Variants in TXK observed in about 807,000 individuals in gnomAD.
TXK encodes the protein TXK tyrosine kinase.
A neutral mutation model predicts 81.0 loss-of-function variants in TXK; 60 were observed. That is an observed-to-expected ratio of 0.74 (90% confidence interval 0.60 to 0.92). The LOEUF (loss-of-function observed/expected upper bound fraction) is 0.92, where lower values mean the gene tolerates loss of function less well. TXK is among the 40% of genes least tolerant of loss of function. The pLI, the probability that TXK is intolerant of heterozygous loss-of-function variation, is 0.00. For missense variants in TXK, 581 were observed against 638.3 expected (o/e 0.91, Z 0.97); for synonymous variants, 203 against 210.7 (o/e 0.96, Z 0.32).
At position 48,071,666 on chromosome 4, in the gene TXK, T is replaced by C. The variant is rs1440673770; in HGVS notation, c.1366A>G (p.Met456Val). ...KSDVWSFGVL[M>V]WEVFTEGKMP... ...TTTCCTTCTGTAAAAACTTCCCACA[T>C]TAAAACTCCTGCAAACAAAAATGCA... The change falls in exon 14 of 15, where the codon ATG becomes GTG. Residue 456 changes from methionine (M) to valine (V), a missense_variant. Met to Val is a conservative substitution (Grantham distance 21). Coordinates refer to ENST00000264316, the MANE Select transcript of TXK (RefSeq NM_003328.3). 2 of 1,613,878 alleles carry C rather than the reference T, an allele frequency of 1.2e-6. No homozygotes were observed. Among genetic ancestry groups the C allele is most frequent in the Admixed American group, 1.7e-5 (1 of 59,934 alleles).
At chr4:48,082,257 G>A (rs1307892016) in intron 10 of TXK, among the ~76,000 whole-genome samples, 2 of 152,196 alleles carry the variant, frequency 1.3e-5, no homozygotes, top group Non-Finnish European at 1.5e-5. Context: ...TGTAAAACTA[G>A]TTCAGGCCAC....
rs529679832 is a variant in TXK, at chr4:48,112,737, A to G, written c.175-225T>C. ...ACTTTTGAGATCACAAGTTCTCTTGACAGCATTTTACTGGATTTTTTTTCA... is the reference window on the plus strand; with the variant it reads ...ACTTTTGAGATCACAAGTTCTCTTGGCAGCATTTTACTGGATTTTTTTTCA... On this transcript the variant is annotated intron_variant, in intron 3 of 14. Coordinates refer to ENST00000264316, the MANE Select transcript of TXK (RefSeq NM_003328.3). Among the ~76,000 whole-genome samples, 7 of 152,254 alleles carry G rather than the reference A, an allele frequency of 4.6e-5. No homozygotes were observed. The South Asian group carries it at 1.5e-3, about 32-fold the overall frequency.
Position 48,086,654 on chromosome 4 carries a change from T to A in TXK, c.785-17A>T. 1 of 1,609,546 alleles carries A rather than the reference T, an allele frequency of 6.2e-7. No homozygotes were observed. The highest frequency in any genetic ancestry group is 8.5e-7 in the Non-Finnish European group (1 of 1,176,716). On this transcript the variant is annotated splice_polypyrimidine_tract_variant and intron_variant, in intron 9 of 14. Transcript: ENST00000264316. Reference sequence around the variant, plus strand: ...CCCACTTTTCTGAAAAAGTAAAACATCCATGTTACAAGTAGAAAGAAAGAC... The same window carrying A: ...CCCACTTTTCTGAAAAAGTAAAACAACCATGTTACAAGTAGAAAGAAAGAC...
In TXK at chr4:48,104,970, A is replaced by C; in HGVS notation, c.447-15T>G. The C allele has an allele frequency of 6.4e-7, 1 of 1,568,352 alleles. No individual in the cohort carries two copies. The highest frequency in any genetic ancestry group is 8.6e-7 in the Non-Finnish European group (1 of 1,157,786). On this transcript the variant is annotated splice_polypyrimidine_tract_variant and intron_variant, in intron 5 of 14. Transcript: ENST00000264316. ...TATGGTACCACCTGTAAAAGCAATA[A>C]AAATGATTTTTAAATTTTATATTCA...
At chr4:48,113,584 C>T (rs1339151884) in intron 2 of TXK, among the ~76,000 whole-genome samples, 1 of 152,208 alleles carries the variant, frequency 6.6e-6, no homozygotes, top group Non-Finnish European at 1.5e-5. Flanking sequence ...GGTGCATCTT[C>T]AGGGCATAAA....
chr4:48,068,993 C>A (rs892277613), intron 14 of TXK, among the ~76,000 whole-genome samples: 1 of 152,212 alleles, frequency 6.6e-6, no homozygotes, highest in African/African-American at 2.4e-5. Flanking sequence ...GACTCTAATG[C>A]CCTAAGCACA....
chr4:48,097,260 T>A (rs974410417), intron 6 of TXK, among the ~76,000 whole-genome samples: 3 of 151,994 alleles, frequency 2.0e-5, no homozygotes, highest in Non-Finnish European at 4.4e-5. Flanking sequence ...CCAGTAAAAA[T>A]TAAGGAATTT....
intron 13 of TXK, among the ~76,000 whole-genome samples, chr4:48,072,382 A>T (rs1265165564): frequency 2.6e-5 from 4 of 152,182 alleles, no homozygotes; most frequent in Non-Finnish European, 4.4e-5. Flanking sequence ...ATAGAAACTG[A>T]CAGGATTATG....
intron 11 of TXK, 96 bp downstream of exon 11, chr4:48,079,802 TTTAAAAATTAAATC>T: frequency 1.2e-6 from 1 of 826,844 alleles, no homozygotes; most frequent in East Asian, 2.5e-5. Flanking sequence ...TAGGTAAATG[TTTAAAAATTAAATC>T]AAGGACACAT....
intron 1 of TXK, among the ~76,000 whole-genome samples, chr4:48,126,835 A>G (rs541556504): frequency 3.3e-5 from 5 of 152,320 alleles, no homozygotes; most frequent in Admixed American, 6.5e-5. Flanking sequence ...AATTGCTGTT[A>G]TCAGTCAGCA....
At chr4:48,092,270 G>T (rs1299346720) in intron 8 of TXK, among the ~76,000 whole-genome samples, 1 of 152,146 alleles carries the variant, frequency 6.6e-6, no homozygotes, top group African/African-American at 2.4e-5. Flanking sequence ...GATTCTGGAG[G>T]AAAACCAATA....
chr4:48,067,371 G>A lies in TXK; in HGVS notation c.*266C>T, dbSNP rs544396913. 64 of 395,016 alleles carry A rather than the reference G, an allele frequency of 1.6e-4. 2 individuals are homozygous for A. The South Asian group carries it at 1.6e-3, about 10-fold the overall frequency. The allele number at this position is 395,016 out of a possible 1,614,324, so 24.5% of individuals were successfully genotyped here. ...AGAGCACCACAATGAAGACTGCTGC[G>A]AAGTCTTTTTCACTTCTTCACATTT... On this transcript the variant is annotated 3_prime_UTR_variant, in exon 15 of 15. Transcript: ENST00000264316.
intron 1 of TXK, among the ~76,000 whole-genome samples, chr4:48,119,378 C>T (rs921131363): frequency 2.0e-5 from 3 of 152,152 alleles, no homozygotes; most frequent in African/African-American, 4.8e-5. Flanking sequence ...CTGATTTGGA[C>T]GTCACCATTG....
intron 9 of TXK, among the ~76,000 whole-genome samples, chr4:48,087,482 C>G (rs1417626426): frequency 6.6e-6 from 1 of 151,810 alleles, no homozygotes; most frequent in Non-Finnish European, 1.5e-5. Context: ...CTCACCCAGG[C>G]TGGAGTGCAG....
chr4:48,125,968 G>C (rs1011322484), intron 1 of TXK, among the ~76,000 whole-genome samples: 4 of 152,192 alleles, frequency 2.6e-5, no homozygotes, highest in African/African-American at 9.7e-5. Flanking sequence ...TGTACTCCAA[G>C]TCCACCGATT....
At chr4:48,093,555 G>A (rs1407647839) in intron 8 of TXK, among the ~76,000 whole-genome samples, 2 of 152,180 alleles carry the variant, frequency 1.3e-5, no homozygotes, top group African/African-American at 4.8e-5. Flanking sequence ...AACAATGTCT[G>A]GGGAGATGGG....
chr4:48,108,060 G>A (rs887682488), intron 5 of TXK, among the ~76,000 whole-genome samples: 1 of 151,810 alleles, frequency 6.6e-6, no homozygotes, highest in African/African-American at 2.4e-5. Flanking sequence ...GACAGAGCGA[G>A]ACTCTGTCTC....
At chr4:48,086,347 C>T in intron 10 of TXK, 119 bp downstream of exon 10, 1 of 989,880 alleles carries the variant, frequency 1.0e-6, no homozygotes, top group Non-Finnish European at 1.5e-6. Flanking sequence ...GCCTGGGTTA[C>T]ACAATGAGCT....
Position 48,130,648 on chromosome 4 carries a change from C to T in TXK, c.16+3507G>A, listed in dbSNP as rs532290023. On this transcript the variant is annotated intron_variant, in intron 1 of 14. Transcript: ENST00000264316. ...CTCAAGGAGGAGGACTGCCTAAGGG[C>T]GTGAATATCTGGAGGCAGATATCAT... 1.4e-3 allele frequency among the ~76,000 whole-genome samples: 216 copies of T among 152,298 alleles called. 5 individuals are homozygous for T. The highest frequency in any genetic ancestry group is 3.8e-4 in the Non-Finnish European group (26 of 68,030).
Sources: gnomAD v4.1 joint callset for allele counts (sites outside exome capture counted in the v4.1 genomes callset) on GRCh38, gnomAD v4.1.1 for gene constraint, MANE v1.5 for transcripts, NCBI Gene and HGNC (gene_info 2026-07-23, HGNC 2026-07-21) for gene names.